Variants in GRAP2 observed in about 807,000 individuals in gnomAD.
GRAP2 encodes the protein GRB2-related adapter protein 2.
A neutral mutation model predicts 43.5 loss-of-function variants in GRAP2; 31 were observed. The ratio of observed to expected loss-of-function variants is 0.71; its 90% CI spans 0.54 to 0.96. GRAP2 has a LOEUF of 0.96. Among genes scored for constraint, GRAP2 ranks in the 40% least tolerant of loss-of-function variants. The probability of loss-of-function intolerance (pLI) is 0.00; values close to 1 mark genes in which losing one functional copy is unlikely to be tolerated. For synonymous variants in GRAP2, 156 were observed against 164.8 expected, an observed-to-expected ratio of 0.95 and a Z score of 0.41; for missense variants, 371 against 424.4, an observed-to-expected ratio of 0.87 and a Z score of 1.11.
At chr22:39,939,088 A>G (rs2066837589) in intron 1 of GRAP2, among the ~76,000 whole-genome samples, 1 of 152,230 alleles carries the variant, frequency 6.6e-6, no homozygotes, top group Non-Finnish European at 1.5e-5. Flanking sequence ...CTTTTAGAGG[A>G]CACTCAAATC....
At chr22:39,930,685 A>G (rs996412442) in intron 1 of GRAP2, among the ~76,000 whole-genome samples, 4 of 152,184 alleles carry the variant, frequency 2.6e-5, no homozygotes, top group Admixed American at 2.0e-4. Flanking sequence ...CAAATGTCCA[A>G]TGACTTCCCA....
At chr22:39,964,608 T>C (rs2067152896) in intron 4 of GRAP2, 1 of 733,226 alleles carries the variant, frequency 1.4e-6, no homozygotes, top group Admixed American at 2.0e-5. Flanking sequence ...ACCCTTTATT[T>C]CATCCGTATT....
At chr22:39,965,928 AGCC>A in intron 4 of GRAP2, 59 bp from the exon 5 acceptor site, 1 of 1,322,962 alleles carries the variant, frequency 7.6e-7, no homozygotes, top group Admixed American at 1.7e-5. Flanking sequence ...AGATGTGAGC[AGCC>A]TGGAGGTGGT....
At chr22:39,912,743 A>G (rs1466931793) in intron 1 of GRAP2, among the ~76,000 whole-genome samples, 2 of 152,228 alleles carry the variant, frequency 1.3e-5, no homozygotes, top group Non-Finnish European at 2.9e-5. Flanking sequence ...ATGTCACTAT[A>G]TGACCAGGCA....
intron 3 of GRAP2, 37 bp from the exon 4 acceptor site, chr22:39,960,018 C>G (rs2067100130): frequency 6.2e-7 from 1 of 1,609,356 alleles, no homozygotes; most frequent in Non-Finnish European, 8.5e-7. Flanking sequence ...ACTCCTGTGT[C>G]TCATCCTGAT....
chr22:39,962,915 C>T (rs537903557), intron 4 of GRAP2, among the ~76,000 whole-genome samples: 5 of 152,124 alleles, frequency 3.3e-5, no homozygotes, highest in South Asian at 2.1e-4. Flanking sequence ...GTAATCCACC[C>T]GCCTCAGCCT....
chr22:39,915,403 C>G (rs1385101675), intron 1 of GRAP2, among the ~76,000 whole-genome samples: 1 of 152,018 alleles, frequency 6.6e-6, no homozygotes, highest in Non-Finnish European at 1.5e-5. Flanking sequence ...GTTCCTTGCT[C>G]CACCTTCTGC....
At chr22:39,909,233 C>G (rs2066542435) in intron 1 of GRAP2, among the ~76,000 whole-genome samples, 2 of 152,096 alleles carry the variant, frequency 1.3e-5, no homozygotes, top group South Asian at 4.1e-4. Context: ...ACTTGGTACC[C>G]TGTAAGTATC....
intron 1 of GRAP2, among the ~76,000 whole-genome samples, chr22:39,921,279 T>C (rs1225132878): frequency 6.6e-6 from 1 of 152,186 alleles, no homozygotes; most frequent in Admixed American, 6.5e-5. Flanking sequence ...CTTAACCACC[T>C]TGAACCTCTA....
intron 1 of GRAP2, among the ~76,000 whole-genome samples, chr22:39,940,971 C>T (rs1204651723): frequency 6.6e-6 from 1 of 152,120 alleles, no homozygotes; most frequent in Non-Finnish European, 1.5e-5. Flanking sequence ...CACCATTGCC[C>T]TCTATTGGAT....
At chr22:39,967,547 C>T (rs1170504821) in intron 5 of GRAP2, among the ~76,000 whole-genome samples, 1 of 152,182 alleles carries the variant, frequency 6.6e-6, no homozygotes, top group East Asian at 1.9e-4. Context: ...TCCCCCACGT[C>T]CAGCCCGGCG....
At chr22:39,919,012 T>C (rs1248291250) in intron 1 of GRAP2, among the ~76,000 whole-genome samples, 1 of 152,194 alleles carries the variant, frequency 6.6e-6, no homozygotes, top group African/African-American at 2.4e-5. Context: ...CTGCCGTGAC[T>C]CATGCCTGTA....
At chr22:39,952,431 C>T (rs541698772) in intron 2 of GRAP2, among the ~76,000 whole-genome samples, 36 of 152,252 alleles carry the variant, frequency 2.4e-4, no homozygotes, top group South Asian at 1.7e-3. Flanking sequence ...TCCCATGTGA[C>T]GGGAGAAAGG....
At chr22:39,915,026 T>TA (rs2066593115) in intron 1 of GRAP2, among the ~76,000 whole-genome samples, 1 of 151,420 alleles carries the variant, frequency 6.6e-6, no homozygotes, top group South Asian at 2.1e-4. Context: ...CCATCTCTAC[T>TA]AAAAATACAA....
intron 1 of GRAP2, among the ~76,000 whole-genome samples, chr22:39,927,403 G>A (rs927824665): frequency 6.6e-6 from 1 of 152,194 alleles, no homozygotes; most frequent in Non-Finnish European, 1.5e-5. Context: ...GGCTAGTGAC[G>A]GGAGGAATTG....
rs200474818 is a variant in GRAP2, at chr22:39,942,996, CCTT to C, written c.-14-4094_-14-4092del. On this transcript the variant is annotated intron_variant, in intron 1 of 7. Coordinates refer to ENST00000344138, the MANE Select transcript of GRAP2 (RefSeq NM_004810.4). Reference sequence around the variant, plus strand: ...AGTGATAGCAATTTAGGACCTGTCTCCTTCTCTCACTGGGTCCTGAGCCTGAAT... The same window carrying C: ...AGTGATAGCAATTTAGGACCTGTCTCCTCTCACTGGGTCCTGAGCCTGAAT... 7.5e-3 allele frequency among the ~76,000 whole-genome samples: 1,137 copies of C among 152,336 alleles called. 6 individuals carry two copies. The highest frequency in any genetic ancestry group is 0.014 in the Middle Eastern group (4 of 294).
chr22:39,926,288 A>G (rs942906250), intron 1 of GRAP2, among the ~76,000 whole-genome samples: 3 of 152,176 alleles, frequency 2.0e-5, no homozygotes, highest in Non-Finnish European at 4.4e-5. Flanking sequence ...CATCAAAATG[A>G]GCCTATCCTC....
In GRAP2 at chr22:39,911,207, G is replaced by C. The variant is rs77573085; in HGVS notation, c.-15+9877G>C. Among the ~76,000 whole-genome samples, 720 of 152,278 alleles carry C rather than the reference G, an allele frequency of 4.7e-3. 5 individuals carry two copies. The highest frequency in any genetic ancestry group is 0.02 in the Middle Eastern group (6 of 294). ...CTTGATTATCCTGATCACTACGTGT[G>C]AAAGTTAATGACTTCATTTTTGCAG... On this transcript the variant is annotated intron_variant, in intron 1 of 7. Coordinates refer to ENST00000344138, the MANE Select transcript of GRAP2 (RefSeq NM_004810.4).
intron 1 of GRAP2, among the ~76,000 whole-genome samples, chr22:39,925,301 A>G (rs756065467): frequency 1.3e-5 from 2 of 152,194 alleles, no homozygotes; most frequent in Non-Finnish European, 2.9e-5. Context: ...TCCATCATAC[A>G]TTACATTCCT....
Sources: allele counts gnomAD v4.1 joint callset (sites outside exome capture counted in the v4.1 genomes callset), GRCh38; gene constraint gnomAD v4.1.1; transcripts MANE v1.5; gene names NCBI Gene and HGNC (gene_info 2026-07-23, HGNC 2026-07-21).